CIT: variants seen among roughly 807,000 people sequenced by gnomAD.
CIT encodes citron rho-interacting serine/threonine kinase.
CIT carries 79 observed loss-of-function variants against 272.7 expected under a neutral mutation model. The observed-to-expected ratio is 0.29, with a 90% CI of 0.24 to 0.35. CIT has a LOEUF of 0.35. CIT is among the 10% of genes least tolerant of loss of function. CIT has a pLI of 1.00. For missense variants in CIT, 1,909 were observed against 2,618.3 expected (o/e 0.73, Z 5.91); for synonymous variants, 948 against 995.6 (o/e 0.95, Z 0.90).
At chr12:119,778,354 A>G (rs1480714169) in intron 13 of CIT, among the ~76,000 whole-genome samples, 1 of 152,252 alleles carries the variant, frequency 6.6e-6, no homozygotes, top group Non-Finnish European at 1.5e-5. Flanking sequence ...AAGGCTAAGT[A>G]TAAGGATTAT....
At chr12:119,765,765 C>A (rs1425405333) in intron 19 of CIT, among the ~76,000 whole-genome samples, 1 of 152,012 alleles carries the variant, frequency 6.6e-6, no homozygotes, top group African/African-American at 2.4e-5. Flanking sequence ...AGCCACCACA[C>A]CTAGCCAAGA....
intron 2 of CIT, among the ~76,000 whole-genome samples, chr12:119,874,660 A>C (rs1950784977): frequency 1.3e-5 from 2 of 152,190 alleles, no homozygotes; most frequent in Non-Finnish European, 2.9e-5. Context: ...GTATTCATCA[A>C]AACTTTTTTT....
At chr12:119,771,397 G>A (rs1963127278) in intron 17 of CIT, among the ~76,000 whole-genome samples, 1 of 152,120 alleles carries the variant, frequency 6.6e-6, no homozygotes. Flanking sequence ...AAGGACAGGA[G>A]AGGAGGGGGA....
chr12:119,708,203 G>A lies in CIT; in HGVS notation c.5187C>T (p.Gly1729=). 1 of 1,599,772 alleles carries A rather than the reference G, an allele frequency of 6.3e-7. No individual in the cohort carries two copies. Among genetic ancestry groups the A allele is most frequent in the Non-Finnish European group, 8.5e-7 (1 of 1,173,434 alleles). The part of the protein sequence containing the change: ...ISPNIFEAVK[G]CHLFGAGKIE... The stretch of plus-strand genomic sequence containing the variant: ...CCTTGCCTGCCCCAAACAAGTGGCA[G>A]CCCTTGACAGCTTCAAAAATGTTGG... Residue 1729 remains glycine, a synonymous_variant, in exon 40 of 48, where the codon GGC becomes GGT. Coordinates refer to ENST00000392521, the MANE Select transcript of CIT (RefSeq NM_001206999.2).
chr12:119,775,748 G>A, intron 16 of CIT, 38 bp downstream of exon 16: 3 of 1,536,714 alleles, frequency 2.0e-6, no homozygotes, highest in Non-Finnish European at 2.7e-6. Flanking sequence ...AAAGGAGGTG[G>A]TGGGGGGTAA....
At chr12:119,778,249 T>C (rs941165889) in intron 13 of CIT, among the ~76,000 whole-genome samples, 1 of 152,174 alleles carries the variant, frequency 6.6e-6, no homozygotes, top group Admixed American at 6.5e-5. Context: ...ACATTTACAT[T>C]GAAGTTTCTC....
At chr12:119,815,109 C>CACACACACACACA (rs1967045611) in intron 9 of CIT, among the ~76,000 whole-genome samples, 1 of 17,334 alleles carries the variant, frequency 5.8e-5, no homozygotes, top group African/African-American at 2.6e-4. Flanking sequence ...ACACACAACA[C>CACACACACACACA]ACACACACAC....
chr12:119,760,899 C>A (rs187090300), intron 20 of CIT, 40 bp downstream of exon 20: 14 of 1,313,878 alleles, frequency 1.1e-5, no homozygotes, highest in Admixed American at 1.7e-5. Flanking sequence ...ATTTCAAAAA[C>A]CCTCCTTTGA....
At chr12:119,846,930 A>C (rs1205408103) in intron 5 of CIT, among the ~76,000 whole-genome samples, 1 of 151,898 alleles carries the variant, frequency 6.6e-6, no homozygotes, top group South Asian at 2.1e-4. Flanking sequence ...CTAAAACAAC[A>C]ATAACAAACA....
intron 5 of CIT, 56 bp from the exon 6 acceptor site, chr12:119,834,284 T>C: frequency 6.9e-7 from 1 of 1,454,128 alleles, no homozygotes; most frequent in Non-Finnish European, 9.3e-7. Context: ...AGGGAATGCC[T>C]CAATTAGATC....
In CIT at chr12:119,767,204, G is replaced by A. The variant is rs777696354; in HGVS notation, c.2209-22C>T. ...GCTCCTAGACACAAAAGAAAAGACAGTCAGGTGTGCAGAGGGCAGGACACC... is the reference window on the plus strand; with the variant it reads ...GCTCCTAGACACAAAAGAAAAGACAATCAGGTGTGCAGAGGGCAGGACACC... On this transcript the variant is annotated intron_variant, in intron 18 of 47. Transcript: ENST00000392521. 5.8e-5 allele frequency: 92 copies of A among 1,587,716 alleles called. 1 individual carries two copies. Among genetic ancestry groups the A allele is most frequent in the Non-Finnish European group, 7.7e-5 (89 of 1,163,324 alleles).
At chr12:119,749,338 G>C (rs1013022117) in intron 23 of CIT, among the ~76,000 whole-genome samples, 11 of 152,216 alleles carry the variant, frequency 7.2e-5, no homozygotes, top group South Asian at 2.1e-4. Context: ...GATTTCATTT[G>C]ACTGATGCTT....
intron 10 of CIT, among the ~76,000 whole-genome samples, chr12:119,790,856 G>T (rs1164890468): frequency 1.3e-5 from 2 of 152,298 alleles, no homozygotes; most frequent in East Asian, 3.9e-4. Context: ...TGCTGCAGTG[G>T]CCATTAAGGA....
At position 119,728,681 on chromosome 12, in the gene CIT, G is replaced by A. The variant is rs1361556246; in HGVS notation, c.3487-75C>T. 2.8e-5 allele frequency: 28 copies of A among 998,986 alleles called. No individual in the cohort carries two copies. The highest frequency in any genetic ancestry group is 1.2e-4 in the East Asian group (5 of 41,316). 61.9% of individuals were successfully genotyped at this position (998,986 alleles called of 1,614,324 possible). ...GCTGACAACGTTTATGAATGTCCAC[G>A]AACCTTCACGGAGAAAGAATATTGA... On this transcript the variant is annotated intron_variant, in intron 27 of 47. Transcript: ENST00000392521. This position sits in a 1 kb window ranked among gnomAD's most constrained non-coding sequence, Gnocchi z 4.3.
chr12:119,858,907 A>G (rs1244184246), intron 3 of CIT, among the ~76,000 whole-genome samples: 5 of 152,170 alleles, frequency 3.3e-5, no homozygotes, highest in Admixed American at 6.5e-5. Context: ...CAGGGCTGAC[A>G]TACTACATGT....
rs76961840 is a variant in CIT, at chr12:119,720,715, A to T, written c.3733-130T>A. On this transcript the variant is annotated intron_variant, in intron 29 of 47. Transcript: ENST00000392521. The stretch of plus-strand genomic sequence containing the variant: ...TGAAAATCCAACACAAACAGTACTG[A>T]GTCAGTATGTATTTAGTCCAGTTTT... The T allele has an allele frequency of 5.1e-3, 3,019 of 593,956 alleles. 77 individuals are homozygous for T. In the African/African-American group the frequency reaches 0.053, roughly 10 times the overall value. The allele number at this position is 593,956 out of a possible 1,614,324, so 36.8% of individuals were successfully genotyped here.
rs562951848 is a variant in CIT at position 119,837,003 on chromosome 12, T to C, written c.517-2775A>G. Reference sequence around the variant, plus strand: ...CTTCCCATTTCTTCAAAACCAGGGTTGATTGAGAAAACAAGCAACAAAAAT... The same window carrying C: ...CTTCCCATTTCTTCAAAACCAGGGTCGATTGAGAAAACAAGCAACAAAAAT... On this transcript the variant is annotated intron_variant, in intron 5 of 47. Coordinates refer to ENST00000392521, the MANE Select transcript of CIT (RefSeq NM_001206999.2). 7.9e-5 allele frequency among the ~76,000 whole-genome samples: 12 copies of C among 152,304 alleles called. No individual in the cohort carries two copies. In the South Asian group the frequency reaches 2.5e-3, roughly 32 times the overall value.
At chr12:119,729,825 G>A (rs1958331267) in intron 27 of CIT, among the ~76,000 whole-genome samples, 1 of 152,174 alleles carries the variant, frequency 6.6e-6, no homozygotes, top group Admixed American at 6.5e-5. Context: ...GTGTGTATGT[G>A]CATGAAAAAG....
At chr12:119,731,400 C>CT (rs1482714497) in intron 26 of CIT, among the ~76,000 whole-genome samples, 3 of 143,842 alleles carry the variant, frequency 2.1e-5, no homozygotes, top group African/African-American at 7.9e-5. Flanking sequence ...TGCTTGAACT[C>CT]GGGAGGCAGA....
Sources: allele counts gnomAD v4.1 joint callset (sites outside exome capture counted in the v4.1 genomes callset), GRCh38; gene constraint gnomAD v4.1.1; non-coding constraint Gnocchi (gnomAD v3.1); transcripts MANE v1.5; gene names NCBI Gene and HGNC (gene_info 2026-07-23, HGNC 2026-07-21).